NRG3: variants seen among roughly 807,000 people sequenced by gnomAD.
NRG3 encodes neuregulin 3.
A neutral mutation model predicts 66.9 loss-of-function variants in NRG3; 31 were observed. That is an observed-to-expected ratio of 0.46 (90% CI 0.35 to 0.63). The LOEUF is 0.63. NRG3 is among the 20% of genes least tolerant of loss of function. NRG3 has a pLI of 0.00. For synonymous variants in NRG3, 393 were observed against 359.4 expected (o/e 1.09, Z -1.06); for missense variants, 910 against 878.9 (o/e 1.04, Z -0.45).
chr10:82,907,741 A>AT (rs1317846591), intron 4 of NRG3, among the ~76,000 whole-genome samples: 2 of 152,146 alleles, frequency 1.3e-5, no homozygotes, highest in Non-Finnish European at 2.9e-5. Flanking sequence ...TTCCACAGGT[A>AT]TTTTTTAAGC....
intron 2 of NRG3, among the ~76,000 whole-genome samples, chr10:82,683,011 T>C (rs968436468): frequency 7.8e-6 from 1 of 128,136 alleles, no homozygotes; most frequent in East Asian, 2.7e-4. Flanking sequence ...CAGGCTGGAG[T>C]GCAGTGGCAC....
At chr10:82,806,682 T>G (rs2061298130) in intron 3 of NRG3, among the ~76,000 whole-genome samples, 1 of 152,124 alleles carries the variant, frequency 6.6e-6, no homozygotes, top group Admixed American at 6.6e-5. Context: ...GAGTGGCTAA[T>G]CAGGAGGGAA....
intron 1 of NRG3, among the ~76,000 whole-genome samples, chr10:82,242,983 G>A (rs1051921071): frequency 6.6e-6 from 1 of 152,184 alleles, no homozygotes; most frequent in Non-Finnish European, 1.5e-5. Context: ...TAAGCCTCAG[G>A]TTGAACCTAC....
intron 3 of NRG3, among the ~76,000 whole-genome samples, chr10:82,764,417 G>A (rs1006874201): frequency 5.7e-5 from 8 of 140,566 alleles, no homozygotes; most frequent in South Asian, 2.2e-4. Context: ...TCGCTCTGTC[G>A]CCTAAGTGCA....
intron 1 of NRG3, among the ~76,000 whole-genome samples, chr10:81,880,439 T>A (rs1042542308): frequency 2.0e-5 from 3 of 152,204 alleles, no homozygotes; most frequent in African/African-American, 7.2e-5. Flanking sequence ...TGGCAATTTC[T>A]CGCTGTTACT....
At chr10:82,709,009 G>A (rs906337107) in intron 2 of NRG3, among the ~76,000 whole-genome samples, 2 of 151,954 alleles carry the variant, frequency 1.3e-5, no homozygotes, top group African/African-American at 4.8e-5. Context: ...TTCTGGGGAG[G>A]GCAGATCCCT....
In NRG3 at chr10:82,826,310, C is replaced by A. The variant is rs140735686; in HGVS notation, c.1028-39101C>A. ...CTATGACTCCATTTGGTATCCATAT[C>A]TGACCATTCCTAGCCCCAGGGCTCA... On this transcript the variant is annotated intron_variant, in intron 3 of 8. Transcript: ENST00000372141. Among the ~76,000 whole-genome samples the A allele has an allele frequency of 1.4e-3, 208 of 152,334 alleles. 1 individual carries two copies. Among genetic ancestry groups the A allele is most frequent in the African/African-American group, 4.8e-3 (198 of 41,576 alleles).
intron 2 of NRG3, among the ~76,000 whole-genome samples, chr10:82,477,747 G>A (rs1041350113): frequency 3.3e-5 from 5 of 152,174 alleles, no homozygotes; most frequent in Non-Finnish European, 5.9e-5. Context: ...AAATTAGGGA[G>A]ATCAGTTAGG....
intron 1 of NRG3, among the ~76,000 whole-genome samples, chr10:81,905,428 G>A (rs1417766225): frequency 6.6e-6 from 1 of 152,160 alleles, no homozygotes; most frequent in Non-Finnish European, 1.5e-5. Flanking sequence ...GTTGAGTTGG[G>A]AAGTTCTCTA....
intron 2 of NRG3, among the ~76,000 whole-genome samples, chr10:82,401,536 A>G (rs1215091293): frequency 6.6e-6 from 1 of 152,116 alleles, no homozygotes; most frequent in Non-Finnish European, 1.5e-5. Flanking sequence ...CAGATCATGT[A>G]GATCACACAG....
At chr10:81,881,052 A>G (rs9943299) in intron 1 of NRG3, among the ~76,000 whole-genome samples, 33,117 of 152,048 alleles carry the variant, frequency 0.22, 4,843 homozygotes, top group African/African-American at 0.42. Context: ...AAATAAAATC[A>G]TTAGACACAT....
chr10:82,942,111 G>A (rs1848628379), intron 4 of NRG3, among the ~76,000 whole-genome samples: 1 of 151,900 alleles, frequency 6.6e-6, no homozygotes, highest in Admixed American at 6.6e-5. Context: ...TAAAAATGGT[G>A]GTACAAAGGA....
intron 1 of NRG3, among the ~76,000 whole-genome samples, chr10:82,086,915 A>G (rs2065761884): frequency 6.6e-6 from 1 of 152,124 alleles, no homozygotes; most frequent in African/African-American, 2.4e-5. Flanking sequence ...ATAGTAAGGG[A>G]AGGCTGGACA....
At chr10:82,590,620 A>G (rs1259454701) in intron 2 of NRG3, among the ~76,000 whole-genome samples, 1 of 152,186 alleles carries the variant, frequency 6.6e-6, no homozygotes, top group African/African-American at 2.4e-5. Flanking sequence ...TAAGATTTAT[A>G]TAGATGCTGC....
At chr10:82,516,097 T>C (rs1025952881) in intron 2 of NRG3, among the ~76,000 whole-genome samples, 2 of 152,058 alleles carry the variant, frequency 1.3e-5, no homozygotes, top group African/African-American at 4.8e-5. Flanking sequence ...TAAGACTCTT[T>C]TGTAGCAGCA....
At chr10:81,977,147 A>C (rs1364335175) in intron 1 of NRG3, among the ~76,000 whole-genome samples, 1 of 152,202 alleles carries the variant, frequency 6.6e-6, no homozygotes, top group Admixed American at 6.5e-5. Context: ...GGAAGATTGC[A>C]CACTTGCAGC....
chr10:82,443,936 C>T (rs2090574400), intron 2 of NRG3, among the ~76,000 whole-genome samples: 1 of 152,072 alleles, frequency 6.6e-6, no homozygotes, highest in South Asian at 2.1e-4. Context: ...GGAACACAGC[C>T]GTTATCATAA....
At chr10:82,280,181 G>GA (rs149419934) in intron 1 of NRG3, among the ~76,000 whole-genome samples, 48,113 of 151,850 alleles carry the variant, frequency 0.32, 7,859 homozygotes, top group African/African-American at 0.37. Flanking sequence ...GAGAAAAGCT[G>GA]AAAAAAATCT....
At position 81,989,570 on chromosome 10, in the gene NRG3, G is replaced by A. The variant is rs979068447; in HGVS notation, c.823+113407G>A. Among the ~76,000 whole-genome samples the A allele has an allele frequency of 4.6e-5, 7 of 152,234 alleles. No individual in the cohort carries two copies. In the East Asian group the frequency reaches 9.6e-4, roughly 21 times the overall value. On this transcript the variant is annotated intron_variant, in intron 1 of 8. Transcript: ENST00000372141. Reference sequence around the variant, plus strand: ...TAAAAAATATTTGTCTGTTTTCTCCGAGGGAATATTTTTATGGTTCATTTA... The same window carrying A: ...TAAAAAATATTTGTCTGTTTTCTCCAAGGGAATATTTTTATGGTTCATTTA...
Sources: allele counts gnomAD v4.1 joint callset (sites outside exome capture counted in the v4.1 genomes callset), GRCh38; gene constraint gnomAD v4.1.1; transcripts MANE v1.5; gene names NCBI Gene and HGNC (gene_info 2026-07-23, HGNC 2026-07-21).